NDUFAB1: variants seen among roughly 807,000 people sequenced by gnomAD.
NDUFAB1 encodes the protein NADH:ubiquinone oxidoreductase subunit AB1.
Under a neutral mutation model 16.1 loss-of-function variants are expected in NDUFAB1, and 5 were observed. That is an observed-to-expected ratio of 0.31 (90% CI 0.16 to 0.65). NDUFAB1 has a LOEUF of 0.65. Ranked by LOEUF, NDUFAB1 falls within the 30% of genes least tolerant of loss-of-function variation. The probability of loss-of-function intolerance (pLI) is 0.77; values close to 1 mark genes in which losing one functional copy is unlikely to be tolerated. For missense variants in NDUFAB1, 187 were observed against 205.3 expected, an observed-to-expected ratio of 0.91 and a Z score of 0.54; for synonymous variants, 85 against 78.4, an observed-to-expected ratio of 1.08 and a Z score of -0.44.
chr16:23,582,452 T>TGAA, intron 3 of NDUFAB1, 77 bp from the exon 4 acceptor site: 1 of 1,401,906 alleles, frequency 7.1e-7, no homozygotes, highest in East Asian at 2.7e-5. Context: ...CTGACCCTTC[T>TGAA]ACAACAGCTA....
chr16:23,584,257 A>AAAAAAAAAAAAAAC, intron 3 of NDUFAB1, among the ~76,000 whole-genome samples: 1 of 115,574 alleles, frequency 8.7e-6, no homozygotes, highest in Non-Finnish European at 1.9e-5. Flanking sequence ...TGATCAATTA[A>AAAAAAAAAAAAAAC]AAAAAAAAAA....
chr16:23,582,009 T>C (rs1324114740), intron 4 of NDUFAB1: 6 of 232,728 alleles, frequency 2.6e-5, no homozygotes, highest in Admixed American at 2.3e-4. Context: ...CAGGTTACCC[T>C]GTTCAGTACT....
At chr16:23,584,606 A>G (rs1293935696) in intron 3 of NDUFAB1, among the ~76,000 whole-genome samples, 3 of 151,972 alleles carry the variant, frequency 2.0e-5, no homozygotes, top group Non-Finnish European at 4.4e-5. Context: ...GGTTCCTACT[A>G]TTATCACCCC....
chr16:23,587,384 G>A, intron 1 of NDUFAB1, 65 bp from the exon 2 acceptor site: 3 of 1,573,470 alleles, frequency 1.9e-6, no homozygotes, highest in Non-Finnish European at 2.6e-6. Context: ...CAATGCACAA[G>A]CCTATAGGTA....
At chr16:23,592,418 G>A (rs1412566702) in intron 1 of NDUFAB1, among the ~76,000 whole-genome samples, 1 of 152,012 alleles carries the variant, frequency 6.6e-6, no homozygotes, top group East Asian at 1.9e-4. Flanking sequence ...GTTGGGAGAT[G>A]GTACACAGAT....
chr16:23,592,340 G>GA (rs941048329), intron 1 of NDUFAB1, among the ~76,000 whole-genome samples: 1,408 of 120,602 alleles, frequency 0.012, 14 homozygotes, highest in African/African-American at 0.021. Flanking sequence ...ACCTTGTCTG[G>GA]AAAAAAAAAA....
At position 23,596,305 on chromosome 16, in the gene NDUFAB1, A is replaced by G; in HGVS notation, c.-15T>C. 6.5e-7 allele frequency: 1 copy of G among 1,537,416 alleles called. No individual in the cohort carries two copies. The highest frequency in any genetic ancestry group is 8.7e-7 in the Non-Finnish European group (1 of 1,144,562). The stretch of plus-strand genomic sequence containing the variant: ...CGAGACGCCATGGCTACGCCAACCC[A>G]GGATGCACTGCGCCGCCGCCTCCGG... On this transcript the variant is annotated 5_prime_UTR_variant, in exon 1 of 5. Coordinates refer to ENST00000007516, the MANE Select transcript of NDUFAB1 (RefSeq NM_005003.3).
chr16:23,594,954 G>A (rs1382304711), intron 1 of NDUFAB1, among the ~76,000 whole-genome samples: 1 of 150,122 alleles, frequency 6.7e-6, no homozygotes. Flanking sequence ...GGAGAACTTA[G>A]AAAACAACAA....
chr16:23,594,740 G>A (rs1966308625), intron 1 of NDUFAB1, among the ~76,000 whole-genome samples: 1 of 150,400 alleles, frequency 6.6e-6, no homozygotes, highest in African/African-American at 2.4e-5. Flanking sequence ...CGCCCGCCTC[G>A]GCCTCCCAAA....
chr16:23,589,480 T>A (rs1163119191), intron 1 of NDUFAB1, among the ~76,000 whole-genome samples: 6 of 152,132 alleles, frequency 3.9e-5, no homozygotes, highest in Admixed American at 3.3e-4. Flanking sequence ...TACAGGCACA[T>A]GACCGGCCTA....
chr16:23,593,176 G>A (rs1329966583), intron 1 of NDUFAB1, among the ~76,000 whole-genome samples: 2 of 152,148 alleles, frequency 1.3e-5, no homozygotes, highest in African/African-American at 4.8e-5. Context: ...GCTCATGCCT[G>A]TAGTCCCAGC....
At chr16:23,586,585 G>A (rs1246418398) in intron 2 of NDUFAB1, among the ~76,000 whole-genome samples, 2 of 151,920 alleles carry the variant, frequency 1.3e-5, no homozygotes, top group Admixed American at 6.6e-5. Flanking sequence ...CACTCGCCTC[G>A]GCCTCCCAAA....
intron 1 of NDUFAB1, among the ~76,000 whole-genome samples, chr16:23,593,067 G>C (rs1260457009): frequency 6.6e-6 from 1 of 152,216 alleles, no homozygotes; most frequent in Admixed American, 6.5e-5. Flanking sequence ...GGCTGAGGCA[G>C]GAGGATTGCT....
intron 1 of NDUFAB1, among the ~76,000 whole-genome samples, chr16:23,591,575 AC>A (rs952724873): frequency 3.2e-4 from 48 of 152,286 alleles, no homozygotes; most frequent in African/African-American, 1.1e-3. Context: ...CTTCTCCGCC[AC>A]CTGGGGCTTA....
chr16:23,583,721 GAGCGTCTCCGCCC>G (rs1966205096), intron 3 of NDUFAB1, among the ~76,000 whole-genome samples: 1 of 124,750 alleles, frequency 8.0e-6, no homozygotes, highest in African/African-American at 3.4e-5. Context: ...GGGAAGTGAG[GAGCGTCTCCGCCC>G]GGCAGCCGCC....
Position 23,585,857 on chromosome 16 carries a change from G to A in NDUFAB1, c.292-434C>T, listed in dbSNP as rs141620828. Among the ~76,000 whole-genome samples, 13 of 152,254 alleles carry A rather than the reference G, an allele frequency of 8.5e-5. No homozygotes were observed. In the East Asian group the frequency reaches 2.3e-3, roughly 27 times the overall value. Reference sequence around the variant, plus strand: ...TGTAACCTATGCTAGTATGTACATGGTTTGCTTTATCTTACTCTGTTTTGA... The same window carrying A: ...TGTAACCTATGCTAGTATGTACATGATTTGCTTTATCTTACTCTGTTTTGA... On this transcript the variant is annotated intron_variant, in intron 2 of 4. Coordinates refer to ENST00000007516, the MANE Select transcript of NDUFAB1 (RefSeq NM_005003.3).
Position 23,587,277 on chromosome 16 carries a change from T to G in NDUFAB1, c.211A>C (p.Met71Leu). The change falls in exon 2 of 5, where the codon ATG becomes CTG. Residue 71 changes from methionine (M) to leucine (L), a missense_variant. Physicochemically the swap from Met to Leu is conservative, Grantham distance 15 (BLOSUM62 2). Around this residue, in one of 3 missense-constraint regions of NDUFAB1, gnomAD observed 135 missense variants for 129.4 expected, o/e 1.04. Transcript: ENST00000007516. ...VTQLCRQYSD[M>L]PPLTLEGIQD... Reference sequence around the variant, plus strand: ...ATGCCCTCTAACGTCAAAGGAGGCATGTCGCTATACTGGCGGCACAACTGT... The same window carrying G: ...ATGCCCTCTAACGTCAAAGGAGGCAGGTCGCTATACTGGCGGCACAACTGT... 6.2e-7 allele frequency: 1 copy of G among 1,614,076 alleles called. No individual in the cohort carries two copies. The highest frequency in any genetic ancestry group is 8.5e-7 in the Non-Finnish European group (1 of 1,179,936).
Position 23,596,163 on chromosome 16 carries a change from G to C in NDUFAB1, c.128C>G (p.Thr43Arg). ...STALCSAGTQ[T>R]RLGTLQPALV... ...GGCCGGCTGCAAAGTCCCGAGCCTCGTCTGGGTCCCCGCGGAGCAGAGAGC... is the reference window on the plus strand; with the variant it reads ...GGCCGGCTGCAAAGTCCCGAGCCTCCTCTGGGTCCCCGCGGAGCAGAGAGC... Residue 43 changes from threonine to arginine, a missense_variant, in exon 1 of 5, where the codon ACG (threonine) becomes AGG (arginine). Coordinates refer to ENST00000007516, the MANE Select transcript of NDUFAB1 (RefSeq NM_005003.3). 2 of 1,610,990 alleles carry C rather than the reference G, an allele frequency of 1.2e-6. No homozygotes were observed. The highest frequency in any genetic ancestry group is 1.1e-5 in the South Asian group (1 of 90,798).
chr16:23,582,220 T>C lies in NDUFAB1; in HGVS notation c.*8+56A>G, dbSNP rs1017086479. 8.7e-6 allele frequency: 12 copies of C among 1,372,846 alleles called. No homozygotes were observed. In the Admixed American group the frequency reaches 1.8e-4, roughly 21 times the overall value. 85.0% of individuals were successfully genotyped at this position (1,372,846 alleles called of 1,614,324 possible). ...TTTCTGTTTCTTCTTAAGTTTCCTT[T>C]ATTGAAGAACCACAGACAAATCTAT... On this transcript the variant is annotated intron_variant, in intron 4 of 4. Transcript: ENST00000007516.
Sources: allele counts gnomAD v4.1 joint callset (sites outside exome capture counted in the v4.1 genomes callset), GRCh38; gene constraint gnomAD v4.1.1; regional missense constraint gnomAD v4.1.1; transcripts MANE v1.5; gene names NCBI Gene and HGNC (gene_info 2026-07-23, HGNC 2026-07-21).